LRRIQ1: variants seen among roughly 807,000 people sequenced by gnomAD.
The protein encoded by LRRIQ1 is leucine-rich repeat- and IQ domain-containing protein 1.
LRRIQ1 carries 210 observed loss-of-function variants against 211.9 expected under a neutral mutation model. The ratio of observed to expected loss-of-function variants is 0.99; its 90% confidence interval spans 0.89 to 1.11. LRRIQ1 has a LOEUF of 1.11. Ranked by LOEUF, LRRIQ1 falls within the 50% of genes most tolerant of loss-of-function variation. The pLI is 0.00. For missense variants in LRRIQ1, 2,136 were observed against 1,939.5 expected (o/e 1.10, Z -1.90); for synonymous variants, 699 against 650.1 (o/e 1.08, Z -1.14).
intron 24 of LRRIQ1, among the ~76,000 whole-genome samples, chr12:85,185,299 C>G (rs368499957): frequency 1.3e-5 from 2 of 151,632 alleles, no homozygotes; most frequent in African/African-American, 4.8e-5. Flanking sequence ...GGAATTATAT[C>G]ATGGAAATGT....
chr12:85,232,730 C>G lies in LRRIQ1; in HGVS notation c.4990C>G (p.Leu1664Val). The change falls in exon 26 of 27, where the codon CTT becomes GTT. Residue 1664 changes from leucine to valine, a missense_variant. By Grantham distance (32) the Leu-to-Val change is conservative. Coordinates refer to ENST00000393217, the MANE Select transcript of LRRIQ1 (RefSeq NM_001079910.2). ...TTTGCCTGAGTTAGATCCAGATGTA[C>G]TTAATGGTGGAAGAGTTCAGCTTGT... ...HFLPELDPDV[L>V]NGGRVQLVAR... The G allele has an allele frequency of 6.2e-7, 1 of 1,612,714 alleles. No individual in the cohort carries two copies. The highest frequency in any genetic ancestry group is 8.5e-7 in the Non-Finnish European group (1 of 1,179,218).
chr12:85,244,760 T>A (rs1212526302), intron 26 of LRRIQ1, 29 bp from the exon 27 acceptor site: 1 of 1,596,004 alleles, frequency 6.3e-7, no homozygotes, highest in Non-Finnish European at 8.6e-7. Context: ...TGTTTCATGA[T>A]TGTATACATT....
Position 85,077,307 on chromosome 12 carries a change from G to A in LRRIQ1, c.2887+4209G>A, listed in dbSNP as rs563751876. Among the ~76,000 whole-genome samples the A allele has an allele frequency of 2.6e-5, 4 of 152,312 alleles. No individual in the cohort carries two copies. In the South Asian group the frequency reaches 6.2e-4, roughly 24 times the overall value. Reference sequence around the variant, plus strand: ...TGGCCAAAAGTTAATTTTGCCATGGGCATGAGCCCTTTGAAGAGTAAACAC... The same window carrying A: ...TGGCCAAAAGTTAATTTTGCCATGGACATGAGCCCTTTGAAGAGTAAACAC... On this transcript the variant is annotated intron_variant, in intron 11 of 26. Transcript: ENST00000393217.
At chr12:85,053,794 G>A (rs986320943) in intron 7 of LRRIQ1, among the ~76,000 whole-genome samples, 1 of 152,114 alleles carries the variant, frequency 6.6e-6, no homozygotes, top group Non-Finnish European at 1.5e-5. Context: ...TTCAAGCTCC[G>A]CCTCCTGGGT....
chr12:85,247,204 A>G (rs777871975), downstream of LRRIQ1, among the ~76,000 whole-genome samples: 1 of 151,666 alleles, frequency 6.6e-6, no homozygotes, highest in Non-Finnish European at 1.5e-5. Context: ...ATTTTTCTGT[A>G]GAAATCAAAG....
intron 8 of LRRIQ1, among the ~76,000 whole-genome samples, chr12:85,058,224 T>C (rs1424983222): frequency 2.0e-5 from 3 of 152,094 alleles, no homozygotes; most frequent in African/African-American, 7.2e-5. Context: ...ATATAAGAGA[T>C]GAGAACTGGG....
intron 21 of LRRIQ1, 31 bp downstream of exon 21, chr12:85,153,176 C>G (rs763316554): frequency 6.4e-7 from 1 of 1,558,794 alleles, no homozygotes; most frequent in Non-Finnish European, 8.7e-7. Context: ...AGAGAATCAA[C>G]TTGTGAATGA....
At chr12:85,197,345 T>C (rs909089282) in intron 24 of LRRIQ1, among the ~76,000 whole-genome samples, 1 of 152,048 alleles carries the variant, frequency 6.6e-6, no homozygotes, top group Middle Eastern at 3.4e-3. Flanking sequence ...CCCAAAGGAC[T>C]ATAAATCATG....
intron 9 of LRRIQ1, among the ~76,000 whole-genome samples, chr12:85,066,358 T>TAAAATTA (rs1882427972): frequency 6.6e-6 from 1 of 151,798 alleles, no homozygotes; most frequent in South Asian, 2.1e-4. Flanking sequence ...ATCTGCAATC[T>TAAAATTA]AAAATTAAAA....
chr12:85,248,165 A>C (rs549957819), downstream of LRRIQ1, among the ~76,000 whole-genome samples: 6 of 151,684 alleles, frequency 4.0e-5, no homozygotes, highest in African/African-American at 1.4e-4. Flanking sequence ...TGTTAGAGCA[A>C]TTTATAGCTT....
chr12:85,264,227 G>A (rs1461541254), exon 2 of LRRIQ1: 2 of 151,946 alleles, frequency 1.3e-5, no homozygotes, highest in East Asian at 1.9e-4. Context: ...ACGTTAATGA[G>A]ACTTCAGCTG....
chr12:85,106,808 G>A (rs1886818417), intron 15 of LRRIQ1, among the ~76,000 whole-genome samples, 193 bp downstream of exon 15: 1 of 152,094 alleles, frequency 6.6e-6, no homozygotes, highest in Non-Finnish European at 1.5e-5. Flanking sequence ...TCTTGCACAT[G>A]TGTGAACTAA....
chr12:85,088,578 T>C (rs932294726), intron 11 of LRRIQ1, among the ~76,000 whole-genome samples: 11 of 152,304 alleles, frequency 7.2e-5, no homozygotes, highest in Middle Eastern at 3.4e-3. Context: ...CTATCCATGA[T>C]GATGGAATGT....
intron 19 of LRRIQ1, among the ~76,000 whole-genome samples, chr12:85,150,779 A>G (rs1424822618): frequency 2.0e-5 from 2 of 99,594 alleles, no homozygotes; most frequent in Non-Finnish European, 4.0e-5. Context: ...TTTTCCAATA[A>G]CGCATTTTTT....
At chr12:85,172,636 G>A (rs1188754886) in intron 24 of LRRIQ1, among the ~76,000 whole-genome samples, 1 of 152,104 alleles carries the variant, frequency 6.6e-6, no homozygotes, top group South Asian at 2.1e-4. Context: ...GCAAATATGG[G>A]AATATTAGGA....
intron 15 of LRRIQ1, among the ~76,000 whole-genome samples, chr12:85,114,246 G>GT (rs1887405983): frequency 6.6e-6 from 1 of 151,864 alleles, no homozygotes; most frequent in Non-Finnish European, 1.5e-5. Flanking sequence ...TTTTTAGGTG[G>GT]ATTTTTTTTT....
At chr12:85,080,447 T>A (rs1283758623) in intron 11 of LRRIQ1, among the ~76,000 whole-genome samples, 2 of 151,584 alleles carry the variant, frequency 1.3e-5, no homozygotes, top group Non-Finnish European at 2.9e-5. Context: ...TAATGTCTTT[T>A]ATATGAGATG....
At chr12:85,263,566 T>C (rs546373188) in exon 2 of LRRIQ1, 4 of 152,062 alleles carry the variant, frequency 2.6e-5, no homozygotes, top group Non-Finnish European at 5.9e-5. Flanking sequence ...TTTTAAATTA[T>C]CTTAAATAGA....
chr12:85,119,059 G>A (rs778158001), intron 15 of LRRIQ1, among the ~76,000 whole-genome samples: 5 of 151,910 alleles, frequency 3.3e-5, no homozygotes, highest in Admixed American at 6.6e-5. Context: ...TTCACTCTTG[G>A]TGTTTCATAA....
Sources: allele counts gnomAD v4.1 joint callset (sites outside exome capture counted in the v4.1 genomes callset), GRCh38; gene constraint gnomAD v4.1.1; transcripts MANE v1.5; gene names NCBI Gene and HGNC (gene_info 2026-07-23, HGNC 2026-07-21).